The following DCP1A variants were observed in gnomAD, a reference collection of about 807,000 sequenced individuals.
The protein encoded by DCP1A is decapping mRNA 1A.
Under a neutral mutation model 58.0 loss-of-function variants are expected in DCP1A, and 20 were observed. The ratio of observed to expected loss-of-function variants is 0.34; its 90% CI spans 0.24 to 0.50. The LOEUF is 0.50. Among genes scored for constraint, DCP1A ranks in the 20% least tolerant of loss-of-function variants. The pLI, the probability that DCP1A is intolerant of heterozygous loss-of-function variation, is 0.98. For synonymous variants in DCP1A, 285 were observed against 275.1 expected (o/e 1.04, Z -0.36); for missense variants, 613 against 712.2 (o/e 0.86, Z 1.59).
chr3:53,335,313 G>C (rs888276764), intron 3 of DCP1A, among the ~76,000 whole-genome samples: 3 of 151,934 alleles, frequency 2.0e-5, no homozygotes, highest in Non-Finnish European at 2.9e-5. Context: ...GCTAATTTTT[G>C]TATTTTTAGT....
At chr3:53,293,538 A>C (rs765086493) in intron 6 of DCP1A, among the ~76,000 whole-genome samples, 31 of 152,172 alleles carry the variant, frequency 2.0e-4, no homozygotes, top group Non-Finnish European at 3.7e-4. Context: ...GCAGCAAGGG[A>C]GTAACAACAG....
At chr3:53,313,644 G>C (rs1257832040) in intron 4 of DCP1A, among the ~76,000 whole-genome samples, 1 of 151,312 alleles carries the variant, frequency 6.6e-6, no homozygotes, top group African/African-American at 2.4e-5. Flanking sequence ...ATTCATTCAG[G>C]CCAGGCACAG....
intron 3 of DCP1A, among the ~76,000 whole-genome samples, chr3:53,332,518 T>C (rs1409955178): frequency 1.3e-5 from 2 of 152,220 alleles, no homozygotes; most frequent in African/African-American, 4.8e-5. Context: ...CTTGTTCTTT[T>C]TATGGTTGTT....
At chr3:53,322,862 A>G (rs1353390918) in intron 3 of DCP1A, among the ~76,000 whole-genome samples, 2 of 147,292 alleles carry the variant, frequency 1.4e-5, no homozygotes, top group Non-Finnish European at 3.0e-5. Flanking sequence ...CCCAGGCTGG[A>G]GTGCAGTGGC....
intron 6 of DCP1A, among the ~76,000 whole-genome samples, chr3:53,298,230 C>T (rs1553686996): frequency 6.6e-6 from 1 of 152,122 alleles, no homozygotes; most frequent in Non-Finnish European, 1.5e-5. Flanking sequence ...CAAACACACA[C>T]ACCTACTTTA....
At chr3:53,323,515 T>A (rs774364046) in intron 3 of DCP1A, among the ~76,000 whole-genome samples, 237 of 152,296 alleles carry the variant, frequency 1.6e-3, no homozygotes, top group Non-Finnish European at 2.5e-3. Flanking sequence ...AAATTCGTTT[T>A]CCTTCAATAA....
intron 3 of DCP1A, among the ~76,000 whole-genome samples, chr3:53,330,857 A>ATTTT (rs35396974): frequency 1.1e-5 from 1 of 93,568 alleles, no homozygotes; most frequent in South Asian, 3.3e-4. Context: ...AGTATATGTA[A>ATTTT]TTTTTTTTTT....
At chr3:53,308,983 AC>A (rs1241158000) in intron 5 of DCP1A, among the ~76,000 whole-genome samples, 2 of 151,572 alleles carry the variant, frequency 1.3e-5, no homozygotes, top group Non-Finnish European at 2.9e-5. Flanking sequence ...AACCATCCGC[AC>A]CCCCCTGACC....
intron 3 of DCP1A, among the ~76,000 whole-genome samples, chr3:53,330,889 C>T (rs2088986962): frequency 7.7e-6 from 1 of 130,090 alleles, no homozygotes; most frequent in Admixed American, 9.0e-5. Flanking sequence ...GATGGAGTCT[C>T]GCTCTGTTGC....
chr3:53,304,434 C>T, intron 5 of DCP1A, 144 bp from the exon 6 acceptor site: 1 of 596,786 alleles, frequency 1.7e-6, no homozygotes, highest in East Asian at 2.8e-5. Flanking sequence ...GCTCTGTACT[C>T]CAATGTAAAT....
At chr3:53,335,126 TATA>T (rs2089089231) in intron 3 of DCP1A, among the ~76,000 whole-genome samples, 1 of 150,260 alleles carries the variant, frequency 6.7e-6, no homozygotes. Flanking sequence ...TGTATATATA[TATA>T]TTTTTTTTAT....
intron 2 of DCP1A, among the ~76,000 whole-genome samples, chr3:53,343,474 C>T (rs1434227294): frequency 6.6e-6 from 1 of 152,128 alleles, no homozygotes; most frequent in Non-Finnish European, 1.5e-5. Context: ...ATCAGTGCCT[C>T]TGTATGATAA....
intron 1 of DCP1A, among the ~76,000 whole-genome samples, chr3:53,345,925 A>C (rs1338533355): frequency 6.6e-6 from 1 of 152,202 alleles, no homozygotes; most frequent in Non-Finnish European, 1.5e-5. Context: ...CTGTAAAATA[A>C]TAAAGAGGGA....
intron 7 of DCP1A, among the ~76,000 whole-genome samples, chr3:53,291,754 G>C (rs1706883529): frequency 6.6e-6 from 1 of 152,124 alleles, no homozygotes; most frequent in African/African-American, 2.4e-5. Flanking sequence ...CACTCTAGGA[G>C]ACTGCCGTGG....
intron 3 of DCP1A, among the ~76,000 whole-genome samples, chr3:53,323,171 C>T (rs1242492457): frequency 6.6e-6 from 1 of 152,162 alleles, no homozygotes; most frequent in Non-Finnish European, 1.5e-5. Context: ...CTTTTCTTCA[C>T]AGAGTTGAGT....
chr3:53,300,037 T>C (rs774335989), intron 6 of DCP1A, among the ~76,000 whole-genome samples: 10 of 152,192 alleles, frequency 6.6e-5, no homozygotes, highest in Middle Eastern at 3.4e-3. Context: ...CCGGCTACTT[T>C]TTGTATTTTT....
intron 5 of DCP1A, among the ~76,000 whole-genome samples, chr3:53,311,007 G>C (rs1707626624): frequency 6.6e-6 from 1 of 152,118 alleles, no homozygotes; most frequent in East Asian, 1.9e-4. Context: ...AGTCAATCTG[G>C]GAATTGGTGT....
chr3:53,288,381 G>A (rs903074995), intron 8 of DCP1A, 98 bp from the exon 9 acceptor site: 2 of 864,950 alleles, frequency 2.3e-6, no homozygotes, highest in East Asian at 2.7e-5. Flanking sequence ...CAGCAGAAGA[G>A]TGGAGCACAG....
At chr3:53,343,015 A>C (rs1193611554) in intron 2 of DCP1A, among the ~76,000 whole-genome samples, 2 of 152,196 alleles carry the variant, frequency 1.3e-5, no homozygotes, top group African/African-American at 4.8e-5. Flanking sequence ...CTTGAATCCT[A>C]CAATAGGAAA....
Sources: allele counts gnomAD v4.1 joint callset (sites outside exome capture counted in the v4.1 genomes callset), GRCh38; gene constraint gnomAD v4.1.1; transcripts MANE v1.5; gene names NCBI Gene and HGNC (gene_info 2026-07-23, HGNC 2026-07-21).